CENPK: variants seen among roughly 807,000 people sequenced by gnomAD.
CENPK encodes SoxLZ/Sox6-binding protein Solt.
In CENPK, 46 loss-of-function variants were observed where a neutral mutation model predicts 40.9. The ratio of observed to expected loss-of-function variants is 1.13; its 90% CI spans 0.89 to 1.44. The LOEUF is 1.44. Among genes scored for constraint, CENPK ranks in the 40% most tolerant of loss-of-function variants. The pLI is 0.00. For synonymous variants in CENPK, 107 were observed against 104.4 expected, an observed-to-expected ratio of 1.02 and a Z score of -0.15; for missense variants, 288 against 303.5, an observed-to-expected ratio of 0.95 and a Z score of 0.38.
downstream of CENPK, among the ~76,000 whole-genome samples, chr5:65,515,850 C>T (rs966177721): frequency 1.3e-5 from 2 of 152,194 alleles, no homozygotes; most frequent in African/African-American, 4.8e-5. Context: ...GCTACCCTAA[C>T]AAAACACCAT....
At chr5:65,528,834 A>T in intron 8 of CENPK, 85 bp downstream of exon 8, 1 of 954,144 alleles carries the variant, frequency 1.0e-6, no homozygotes, top group Non-Finnish European at 1.5e-6. Context: ...GATTCCTGGT[A>T]ACATTTAACT....
chr5:65,528,167 G>A (rs1170138445), intron 9 of CENPK, among the ~76,000 whole-genome samples: 1 of 152,146 alleles, frequency 6.6e-6, no homozygotes, highest in Non-Finnish European at 1.5e-5. Context: ...CTTGAACCCA[G>A]GAGGCAGAGG....
intron 4 of CENPK, 28 bp from the exon 5 acceptor site, chr5:65,551,664 T>G (rs772390543): frequency 1.6e-6 from 2 of 1,282,986 alleles, no homozygotes; most frequent in East Asian, 2.4e-5. Context: ...AAAGTCATTT[T>G]CTGTGGACTA....
At chr5:65,512,954 C>T (rs1297240741), downstream of CENPK, among the ~76,000 whole-genome samples, 1 of 152,122 alleles carries the variant, frequency 6.6e-6, no homozygotes, top group Non-Finnish European at 1.5e-5. Flanking sequence ...CTTTTTCATG[C>T]TTATTTGCTA....
intron 5 of CENPK, among the ~76,000 whole-genome samples, chr5:65,546,171 G>A (rs1056285305): frequency 1.3e-5 from 2 of 152,280 alleles, no homozygotes; most frequent in Non-Finnish European, 2.9e-5. Flanking sequence ...AGTAGGACTC[G>A]ATATTTAGTA....
chr5:65,498,549 A>G, the CENPK span, among the ~76,000 whole-genome samples: 4 of 151,972 alleles, frequency 2.6e-5, no homozygotes, highest in South Asian at 8.3e-4. Context: ...TAGAAAATTC[A>G]AGAAGAAAAC....
At chr5:65,529,236 T>C (rs190415045) in intron 6 of CENPK, 37 bp from the exon 7 acceptor site, 10 of 1,353,206 alleles carry the variant, frequency 7.4e-6, no homozygotes, top group Non-Finnish European at 1.0e-5. Flanking sequence ...GCTTGGTCTT[T>C]AATCCCAGTT....
Position 65,551,632 on chromosome 5 carries a change from G to A in CENPK, c.173C>T (p.Ser58Leu). 6.4e-7 allele frequency: 1 copy of A among 1,552,982 alleles called. No individual in the cohort carries two copies. Among genetic ancestry groups the A allele is most frequent in the Non-Finnish European group, 8.8e-7 (1 of 1,139,056 alleles). Reference protein sequence around the residue: ...ETLTDSNAQLSLLIMQVKCLT... With the variant: ...ETLTDSNAQLLLLIMQVKCLT... The stretch of plus-strand genomic sequence containing the variant: ...ACATTTTACTTGCATAATTAACAAT[G>A]ATAGCTACAAAAGAAGAAAACAAAG... Residue 58 changes from serine (S) to leucine (L), a missense_variant, in exon 5 of 11, where the codon TCA (serine) becomes TTA (leucine). Ser to Leu is a moderately radical substitution (Grantham distance 145). Transcript: ENST00000396679.
At chr5:65,498,618 T>C in the CENPK span, among the ~76,000 whole-genome samples, 4 of 147,028 alleles carry the variant, frequency 2.7e-5, no homozygotes, top group African/African-American at 7.7e-5. Context: ...TCTTTTTTTC[T>C]TTCTTTTTCT....
At chr5:65,504,020 T>C in the CENPK span, among the ~76,000 whole-genome samples, 2 of 152,070 alleles carry the variant, frequency 1.3e-5, no homozygotes, top group African/African-American at 4.8e-5. Flanking sequence ...AATATGCAAC[T>C]GTCCTGAAGC....
At chr5:65,516,448 A>G (rs1580855772), downstream of CENPK, among the ~76,000 whole-genome samples, 1 of 152,230 alleles carries the variant, frequency 6.6e-6, no homozygotes, top group Non-Finnish European at 1.5e-5. Flanking sequence ...ACAATCCACC[A>G]TCATGTGAAT....
chr5:65,537,266 G>A (rs919322685), intron 6 of CENPK, among the ~76,000 whole-genome samples: 2 of 152,170 alleles, frequency 1.3e-5, no homozygotes, highest in African/African-American at 2.4e-5. Flanking sequence ...AACTATGTAT[G>A]AACAAACTTT....
intron 2 of CENPK, among the ~76,000 whole-genome samples, chr5:65,555,487 G>A (rs1449136028): frequency 6.6e-6 from 1 of 152,220 alleles, no homozygotes; most frequent in African/African-American, 2.4e-5. Flanking sequence ...GCTATTTTAA[G>A]GACTTTGAGA....
downstream of CENPK, among the ~76,000 whole-genome samples, chr5:65,515,338 G>C (rs1036183428): frequency 6.6e-6 from 1 of 151,516 alleles, no homozygotes; most frequent in African/African-American, 2.4e-5. Flanking sequence ...AAGTAGCTGG[G>C]ACTACAGGTG....
chr5:65,531,018 C>T (rs959866043), intron 6 of CENPK, among the ~76,000 whole-genome samples: 2 of 151,946 alleles, frequency 1.3e-5, no homozygotes, highest in African/African-American at 4.8e-5. Context: ...AAGGCCAAGC[C>T]TGGTGACTCA....
intron 2 of CENPK, among the ~76,000 whole-genome samples, chr5:65,557,719 T>C (rs1751229920): frequency 6.6e-6 from 1 of 152,244 alleles, no homozygotes; most frequent in Admixed American, 6.5e-5. Context: ...GAATTTCTAA[T>C]GCACAAAACT....
intron 2 of CENPK, among the ~76,000 whole-genome samples, chr5:65,559,628 CAGAAA>C (rs1751619059): frequency 1.8e-5 from 1 of 55,704 alleles, no homozygotes. Context: ...GACTCCGTCT[CAGAAA>C]AAAAAAAAAA....
At chr5:65,540,454 T>C (rs1581008693) in intron 6 of CENPK, among the ~76,000 whole-genome samples, 1 of 152,170 alleles carries the variant, frequency 6.6e-6, no homozygotes, top group Non-Finnish European at 1.5e-5. Context: ...TTCATATGCA[T>C]GAGTTGACTG....
At chr5:65,541,545 C>G (rs192986389) in intron 6 of CENPK, 50 of 429,816 alleles carry the variant, frequency 1.2e-4, no homozygotes, top group African/African-American at 8.2e-4. Context: ...TTGTTTTTTT[C>G]CTCTCTATCC....
Sources: allele counts gnomAD v4.1 joint callset (sites outside exome capture counted in the v4.1 genomes callset), GRCh38; gene constraint gnomAD v4.1.1; transcripts MANE v1.5; gene names NCBI Gene and HGNC (gene_info 2026-07-23, HGNC 2026-07-21).